CADPS: variants seen among roughly 807,000 people sequenced by gnomAD.
The protein encoded by CADPS is calcium dependent secretion activator.
CADPS carries 57 observed loss-of-function variants against 167.3 expected under a neutral mutation model. The ratio of observed to expected loss-of-function variants is 0.34; its 90% CI spans 0.28 to 0.42. The LOEUF is 0.42. Ranked by LOEUF, CADPS falls within the 20% of genes least tolerant of loss-of-function variation. The probability of loss-of-function intolerance (pLI) is 1.00; values close to 1 mark genes in which losing one functional copy is unlikely to be tolerated. For missense variants in CADPS, 1,414 were observed against 1,738.1 expected (o/e 0.81, Z 3.32); for synonymous variants, 676 against 635.3 (o/e 1.06, Z -0.96).
intron 1 of CADPS, among the ~76,000 whole-genome samples, chr3:62,843,360 T>A (rs2076909196): frequency 6.6e-6 from 1 of 152,222 alleles, no homozygotes; most frequent in East Asian, 1.9e-4. Flanking sequence ...TATTGAAGAT[T>A]CGAGGCTATG....
At chr3:62,854,656 G>A (rs879371334) in intron 1 of CADPS, among the ~76,000 whole-genome samples, 2 of 152,260 alleles carry the variant, frequency 1.3e-5, no homozygotes, top group Admixed American at 1.3e-4. Flanking sequence ...CTTCTGGTTG[G>A]CTGGGATTGT....
At chr3:62,523,175 T>C (rs1190571872) in intron 13 of CADPS, among the ~76,000 whole-genome samples, 1 of 152,104 alleles carries the variant, frequency 6.6e-6, no homozygotes, top group Non-Finnish European at 1.5e-5. Context: ...ATAATACATC[T>C]AGAGTTGCAT....
chr3:62,859,194 C>A (rs763743156), intron 1 of CADPS, among the ~76,000 whole-genome samples: 2 of 152,082 alleles, frequency 1.3e-5, no homozygotes, highest in Non-Finnish European at 2.9e-5. Flanking sequence ...TTTGTCCTTT[C>A]CAGTGATTCT....
At chr3:62,545,198 A>G (rs1420251490) in intron 11 of CADPS, among the ~76,000 whole-genome samples, 1 of 152,088 alleles carries the variant, frequency 6.6e-6, no homozygotes, top group East Asian at 1.9e-4. Flanking sequence ...ATATTAAATA[A>G]CCATTGATCA....
At chr3:62,653,677 T>C (rs1418271080) in intron 4 of CADPS, among the ~76,000 whole-genome samples, 1 of 152,142 alleles carries the variant, frequency 6.6e-6, no homozygotes, top group South Asian at 2.1e-4. Flanking sequence ...ATTGAGTGAA[T>C]AGATCAATGA....
intron 6 of CADPS, among the ~76,000 whole-genome samples, chr3:62,624,705 A>G (rs1258115473): frequency 6.6e-6 from 1 of 152,172 alleles, no homozygotes; most frequent in East Asian, 1.9e-4. Flanking sequence ...AGGGCAAGCT[A>G]CCTGATGGTA....
Position 62,651,096 on chromosome 3 carries a change from A to T in CADPS, c.970-16T>A. On this transcript the variant is annotated splice_polypyrimidine_tract_variant and intron_variant, in intron 4 of 29. Coordinates refer to ENST00000383710, the MANE Select transcript of CADPS (RefSeq NM_003716.4). ...ATTTGCGTTCCTTGGGAAGAAAAAG[A>T]AAAGTATGAGCAGAGGAGAAAATAG... is the stretch of plus-strand genomic sequence containing the variant. The T allele has an allele frequency of 6.4e-7, 1 of 1,559,314 alleles. No individual in the cohort carries two copies. Among genetic ancestry groups the T allele is most frequent in the Non-Finnish European group, 8.8e-7 (1 of 1,130,786 alleles).
At chr3:62,790,484 A>G (rs1576445157) in intron 1 of CADPS, among the ~76,000 whole-genome samples, 1 of 152,184 alleles carries the variant, frequency 6.6e-6, no homozygotes, top group East Asian at 1.9e-4. Context: ...AGTATAAGAA[A>G]TGGAAGTAAA....
intron 3 of CADPS, among the ~76,000 whole-genome samples, chr3:62,672,112 G>A (rs1051173327): frequency 4.6e-5 from 7 of 151,814 alleles, no homozygotes; most frequent in Non-Finnish European, 7.4e-5. Context: ...TGATTCCAAC[G>A]TGCAGCCAGG....
At chr3:62,846,553 A>T (rs568396800) in intron 1 of CADPS, among the ~76,000 whole-genome samples, 1 of 152,292 alleles carries the variant, frequency 6.6e-6, no homozygotes, top group South Asian at 2.1e-4. Context: ...ATACATGATA[A>T]ACGCTTGATT....
At chr3:62,858,624 T>C (rs914672778) in intron 1 of CADPS, among the ~76,000 whole-genome samples, 4 of 152,198 alleles carry the variant, frequency 2.6e-5, no homozygotes, top group African/African-American at 9.6e-5. Context: ...AAAAATGGGA[T>C]ATGTAGATAT....
At chr3:62,787,972 T>C (rs147106405) in intron 1 of CADPS, among the ~76,000 whole-genome samples, 4 of 152,320 alleles carry the variant, frequency 2.6e-5, no homozygotes, top group African/African-American at 9.6e-5. Context: ...ATTCATGTTC[T>C]AAATATAATA....
In CADPS at chr3:62,485,180, T is replaced by C. The variant is rs116168024; in HGVS notation, c.3027-3311A>G. On this transcript the variant is annotated intron_variant, in intron 21 of 29. Transcript: ENST00000383710. The stretch of plus-strand genomic sequence containing the variant: ...AGCGCCACCCTCCCACCTGAGTCAA[T>C]TTTCTCAACTTATGAGCTGTAAAGC... Among the ~76,000 whole-genome samples, 728 of 152,230 alleles carry C rather than the reference T, an allele frequency of 4.8e-3. 10 individuals are homozygous for C. The highest frequency in any genetic ancestry group is 0.017 in the African/African-American group (693 of 41,534).
At position 62,478,198 on chromosome 3, in the gene CADPS, C is replaced by CCT; in HGVS notation, c.3329+61_3329+62dup. 1 of 1,561,386 alleles carries CCT rather than the reference C, an allele frequency of 6.4e-7. No individual in the cohort carries two copies. The highest frequency in any genetic ancestry group is 8.8e-7 in the Non-Finnish European group (1 of 1,136,976). On this transcript the variant is annotated intron_variant, in intron 23 of 29. Transcript: ENST00000383710. The surrounding 1 kb of genome is among the most constrained non-coding windows in gnomAD (Gnocchi z 5.7). ...GCCAATTGAAAGAGCAGCCATCTACCCTTCCCTGAGTCTGTGTATGGTGGG... is the reference window on the plus strand; with the variant it reads ...GCCAATTGAAAGAGCAGCCATCTACCCTCTTCCCTGAGTCTGTGTATGGTGGG...
intron 3 of CADPS, among the ~76,000 whole-genome samples, chr3:62,685,537 T>C (rs1170135589): frequency 1.3e-5 from 2 of 151,950 alleles, no homozygotes; most frequent in Admixed American, 6.6e-5. Context: ...GTGACTTATT[T>C]ATATAGCTAG....
At chr3:62,688,610 C>T (rs17066832) in intron 3 of CADPS, among the ~76,000 whole-genome samples, 1 of 152,098 alleles carries the variant, frequency 6.6e-6, no homozygotes, top group Non-Finnish European at 1.5e-5. Flanking sequence ...AGGCACCCAG[C>T]TAGTTAAGAG....
intron 26 of CADPS, among the ~76,000 whole-genome samples, chr3:62,450,861 T>C (rs149490097): frequency 9.1e-4 from 138 of 152,286 alleles, no homozygotes; most frequent in African/African-American, 3.1e-3. Context: ...AATATTCCCA[T>C]TTTACAGTTG....
At chr3:62,541,180 C>T (rs1395260810) in intron 11 of CADPS, among the ~76,000 whole-genome samples, 1 of 152,084 alleles carries the variant, frequency 6.6e-6, no homozygotes, top group Non-Finnish European at 1.5e-5. Flanking sequence ...TTTTAAGAAC[C>T]AATTTCAATC....
At chr3:62,706,016 C>T (rs2082241254) in intron 3 of CADPS, among the ~76,000 whole-genome samples, 1 of 152,126 alleles carries the variant, frequency 6.6e-6, no homozygotes, top group African/African-American at 2.4e-5. Context: ...TTTGTGGCTC[C>T]TGGCTTCTCA....
Sources: allele counts gnomAD v4.1 joint callset (sites outside exome capture counted in the v4.1 genomes callset), GRCh38; gene constraint gnomAD v4.1.1; non-coding constraint Gnocchi (gnomAD v3.1); transcripts MANE v1.5; gene names NCBI Gene and HGNC (gene_info 2026-07-23, HGNC 2026-07-21).